PAK3: variants seen among roughly 807,000 people sequenced by gnomAD.
PAK3 encodes serine/threonine-protein kinase PAK 3.
PAK3 carries 4 observed loss-of-function variants against 41.0 expected under a neutral mutation model. The observed-to-expected ratio is 0.10, with a 90% CI of 0.05 to 0.22. The LOEUF is 0.22. Among genes scored for constraint, PAK3 ranks in the 10% least tolerant of loss-of-function variants. The probability of loss-of-function intolerance (pLI) is 1.00; values close to 1 mark genes in which losing one functional copy is unlikely to be tolerated. For missense variants in PAK3, 205 were observed against 409.9 expected (o/e 0.50, Z 4.32); for synonymous variants, 146 against 139.6 (o/e 1.05, Z -0.32).
chrX:111,051,552 A>G (rs2092558582), intron 1 of PAK3, among the ~76,000 whole-genome samples: 1 of 111,845 alleles, frequency 8.9e-6, no homozygotes, highest in African/African-American at 3.3e-5. Flanking sequence ...CTGAGCTAAT[A>G]ATCTCCATAA....
chrX:111,090,626 G>A (rs776706468), intron 1 of PAK3, among the ~76,000 whole-genome samples: 56 of 111,397 alleles, frequency 5.0e-4, no homozygotes, highest in African/African-American at 1.5e-3. Context: ...AGGTTGTCAC[G>A]ACAACCAGCA....
intron 1 of PAK3, among the ~76,000 whole-genome samples, chrX:111,048,648 C>T (rs952977969): frequency 9.0e-6 from 1 of 111,682 alleles, no homozygotes; most frequent in African/African-American, 3.3e-5. Flanking sequence ...CCAACACATC[C>T]TCTTCATCTA....
chrX:111,029,791 G>A (rs1353857062), intron 1 of PAK3, among the ~76,000 whole-genome samples: 1 of 104,243 alleles, frequency 9.6e-6, no homozygotes, highest in Admixed American at 1.0e-4. Context: ...TGTTATTCAA[G>A]GTTTACAGCA....
chrX:111,176,344 G>T (rs368370175), intron 11 of PAK3, among the ~76,000 whole-genome samples: 2 of 110,141 alleles, frequency 1.8e-5, no homozygotes, highest in East Asian at 5.8e-4. Context: ...GGGGAATGGG[G>T]GGCGAAGGGA....
At chrX:111,080,340 A>C in intron 1 of PAK3, among the ~76,000 whole-genome samples, 1 of 112,175 alleles carries the variant, frequency 8.9e-6, no homozygotes, top group Middle Eastern at 4.6e-3. Flanking sequence ...AGCAGCCATC[A>C]ACATGCAGGT....
intron 1 of PAK3, among the ~76,000 whole-genome samples, chrX:111,079,250 A>T (rs1328812934): frequency 8.9e-6 from 1 of 112,231 alleles, no homozygotes; most frequent in Non-Finnish European, 1.9e-5. Context: ...TTTCATAGCT[A>T]GAGAAGTAAA....
At chrX:111,215,197 T>C (rs2094864916) in intron 16 of PAK3, among the ~76,000 whole-genome samples, 1 of 111,849 alleles carries the variant, frequency 8.9e-6, no homozygotes, top group African/African-American at 3.3e-5. Context: ...ATAAACTATC[T>C]GGTACATACT....
In PAK3 at chrX:111,157,319, T is replaced by G. The variant is rs191952811; in HGVS notation, c.468+4872T>G. Among the ~76,000 whole-genome samples the G allele has an allele frequency of 2.3e-3, 261 of 111,728 alleles. 1 individual carries two copies. Among genetic ancestry groups the G allele is most frequent in the Non-Finnish European group, 4.2e-3 (221 of 53,216 alleles). ...AAATTAAGCTCAGAGAAAAGGAAAT[T>G]TCCTAAGGTAGCTACTCTAGCTGGT... On this transcript the variant is annotated intron_variant, in intron 8 of 17. Coordinates refer to ENST00000372007, the MANE Select transcript of PAK3 (RefSeq NM_002578.5).
At chrX:110,976,819 A>G (rs1227133800) in intron 1 of PAK3, among the ~76,000 whole-genome samples, 6 of 110,937 alleles carry the variant, frequency 5.4e-5, no homozygotes, top group Admixed American at 1.9e-4. Context: ...GGACATGGAT[A>G]AAACTGGAAA....
chrX:111,037,848 T>G (rs2148764380), intron 1 of PAK3, among the ~76,000 whole-genome samples: 1 of 111,645 alleles, frequency 9.0e-6, no homozygotes, highest in African/African-American at 3.3e-5. Context: ...TCATAGACCT[T>G]TAACACTAAT....
intron 6 of PAK3, among the ~76,000 whole-genome samples, chrX:111,147,139 C>T (rs992236972): frequency 6.3e-5 from 7 of 111,223 alleles, no homozygotes; most frequent in Non-Finnish European, 1.3e-4. Flanking sequence ...TACTGTTTAG[C>T]ATCTCAGTGG....
chrX:110,972,286 G>A lies in PAK3; in HGVS notation c.-28+27658G>A, dbSNP rs187774505. On this transcript the variant is annotated intron_variant, in intron 1 of 14. Coordinates refer to the PAK3 transcript ENST00000425146. ...TGACTGCCTCCTCAAGTGGGTCCCC[G>A]ACCCCCGTGTAGCCTAAATGGGGAC... Among the ~76,000 whole-genome samples, 446 of 111,399 alleles carry A rather than the reference G, an allele frequency of 4.0e-3. 4 individuals are homozygous for A. Among genetic ancestry groups the A allele is most frequent in the African/African-American group, 0.014 (434 of 30,600 alleles).
chrX:111,210,488 G>C (rs1479252612), intron 16 of PAK3, among the ~76,000 whole-genome samples: 2 of 111,391 alleles, frequency 1.8e-5, no homozygotes, highest in African/African-American at 6.5e-5. Context: ...TGCCAGGCCT[G>C]TTCAGCTCAG....
At chrX:111,018,803 C>A (rs1483504586) in intron 1 of PAK3, among the ~76,000 whole-genome samples, 1 of 111,490 alleles carries the variant, frequency 9.0e-6, no homozygotes, top group Non-Finnish European at 1.9e-5. Flanking sequence ...TGAAACAGAG[C>A]AAAGTTGGAG....
chrX:111,021,352 T>G (rs2092177963), intron 1 of PAK3, among the ~76,000 whole-genome samples: 1 of 111,968 alleles, frequency 8.9e-6, no homozygotes, highest in Non-Finnish European at 1.9e-5. Flanking sequence ...GAAGACAGAT[T>G]ACATCACAGG....
At chrX:110,947,973 G>A (rs1429376978) in intron 1 of PAK3, among the ~76,000 whole-genome samples, 2 of 112,032 alleles carry the variant, frequency 1.8e-5, no homozygotes, top group African/African-American at 6.5e-5. Context: ...TTAGAAGAAA[G>A]GCTGTATGTA....
At chrX:111,171,694 A>G (rs2094343487) in intron 10 of PAK3, among the ~76,000 whole-genome samples, 1 of 112,035 alleles carries the variant, frequency 8.9e-6, no homozygotes, top group Non-Finnish European at 1.9e-5. Context: ...GGTTGCCTAG[A>G]TATGTTTTGG....
rs906886270 is a variant in PAK3, at chrX:111,225,011, G to T, written c.*4564G>T. Reference sequence around the variant, plus strand: ...CCAGTCTCTGAGCTCTGAACAAGAGGACTGAAATTCAGCATTTGTAAACTG... The same window carrying T: ...CCAGTCTCTGAGCTCTGAACAAGAGTACTGAAATTCAGCATTTGTAAACTG... On this transcript the variant is annotated 3_prime_UTR_variant, in exon 18 of 18. Coordinates refer to ENST00000372007, the MANE Select transcript of PAK3 (RefSeq NM_002578.5). 8.9e-6 allele frequency: 1 copy of T among 112,068 alleles called. No homozygotes were observed. The highest frequency in any genetic ancestry group is 9.5e-5 in the Admixed American group (1 of 10,510). The allele number at this position is 112,068 out of a possible 1,213,427, so 9.2% of individuals were successfully genotyped here.
At chrX:111,132,626 A>G (rs908371648) in intron 5 of PAK3, among the ~76,000 whole-genome samples, 4 of 111,583 alleles carry the variant, frequency 3.6e-5, no homozygotes, top group African/African-American at 1.3e-4. Context: ...AGACCACAGG[A>G]TAGAGACATA....
Sources: allele counts gnomAD v4.1 joint callset (sites outside exome capture counted in the v4.1 genomes callset), GRCh38; gene constraint gnomAD v4.1.1; transcripts MANE v1.5; gene names NCBI Gene and HGNC (gene_info 2026-07-23, HGNC 2026-07-21).